Variants in ADGRL3 observed in about 807,000 individuals in gnomAD.
ADGRL3 encodes the protein calcium-independent alpha-latrotoxin receptor 3.
ADGRL3 carries 62 observed loss-of-function variants against 153.5 expected under a neutral mutation model. That is an observed-to-expected ratio of 0.40 (90% CI 0.33 to 0.50). The LOEUF is 0.50. ADGRL3 is among the 20% of genes least tolerant of loss of function. The pLI, the probability that ADGRL3 is intolerant of heterozygous loss-of-function variation, is 0.47. For missense variants in ADGRL3, 1,641 were observed against 1,859.4 expected (o/e 0.88, Z 2.16); for synonymous variants, 710 against 672.5 (o/e 1.06, Z -0.86).
rs553801347 is a variant in ADGRL3, at chr4:61,890,302, T to C, written c.1481-2354T>C. On this transcript the variant is annotated intron_variant, in intron 9 of 26. Coordinates refer to ENST00000683033, the MANE Select transcript of ADGRL3 (RefSeq NM_001387552.1). ...TTTGAATTAAAGGAGTTGGAGAAAATAGTTGGAGTTAGCTTTTAACTATTG... is the reference window on the plus strand; with the variant it reads ...TTTGAATTAAAGGAGTTGGAGAAAACAGTTGGAGTTAGCTTTTAACTATTG... 1.4e-4 allele frequency among the ~76,000 whole-genome samples: 21 copies of C among 152,240 alleles called. No individual in the cohort carries two copies. In the East Asian group the frequency reaches 3.5e-3, roughly 25 times the overall value.
At chr4:61,735,879 A>G (rs977510318) in intron 8 of ADGRL3, among the ~76,000 whole-genome samples, 12 of 152,218 alleles carry the variant, frequency 7.9e-5, no homozygotes, top group African/African-American at 2.6e-4. Flanking sequence ...TCTTTAACGA[A>G]TAAGATGGTA....
chr4:61,740,411 C>A (rs1349882794), intron 8 of ADGRL3, among the ~76,000 whole-genome samples: 1 of 152,114 alleles, frequency 6.6e-6, no homozygotes, highest in Admixed American at 6.6e-5. Context: ...GCATCACTTA[C>A]CTTTAGCTAT....
At chr4:61,615,199 A>G (rs753014945) in intron 5 of ADGRL3, among the ~76,000 whole-genome samples, 4 of 152,136 alleles carry the variant, frequency 2.6e-5, no homozygotes, top group Non-Finnish European at 5.9e-5. Context: ...TAAGAAATCC[A>G]CCATTTTGAG....
intron 4 of ADGRL3, among the ~76,000 whole-genome samples, chr4:61,582,704 G>A (rs1002803595): frequency 2.0e-5 from 3 of 151,566 alleles, no homozygotes; most frequent in Non-Finnish European, 4.4e-5. Context: ...ACAGAGAAAT[G>A]TTTGATTCAT....
At chr4:61,665,642 G>T (rs1012991775) in intron 5 of ADGRL3, among the ~76,000 whole-genome samples, 1 of 152,000 alleles carries the variant, frequency 6.6e-6, no homozygotes, top group Non-Finnish European at 1.5e-5. Flanking sequence ...TTTTTAATAC[G>T]CAAAATGATA....
intron 5 of ADGRL3, among the ~76,000 whole-genome samples, chr4:61,621,579 T>C (rs1390940540): frequency 6.6e-6 from 1 of 152,186 alleles, no homozygotes; most frequent in Non-Finnish European, 1.5e-5. Context: ...ATCCTCTTCA[T>C]TATCTTTTTA....
chr4:61,425,334 C>T (rs1230808620), intron 2 of ADGRL3: 1 of 152,256 alleles, frequency 6.6e-6, no homozygotes, highest in Non-Finnish European at 1.5e-5. Flanking sequence ...CAGGCATCGC[C>T]CATGGGACCC....
chr4:61,318,193 CAAAAAAA>C (rs757545966), intron 1 of ADGRL3, among the ~76,000 whole-genome samples: 1 of 48,608 alleles, frequency 2.1e-5, no homozygotes, highest in South Asian at 8.5e-4. Context: ...GAACCTGTCT[CAAAAAAA>C]AAAAAAAAAA....
At chr4:61,551,004 G>A (rs2098737731) in intron 4 of ADGRL3, among the ~76,000 whole-genome samples, 1 of 152,076 alleles carries the variant, frequency 6.6e-6, no homozygotes, top group Non-Finnish European at 1.5e-5. Flanking sequence ...ATGTGTATGT[G>A]TGTGATTAGG....
chr4:61,809,647 T>C (rs1209097875), intron 8 of ADGRL3, among the ~76,000 whole-genome samples: 4 of 152,094 alleles, frequency 2.6e-5, no homozygotes, highest in Non-Finnish European at 5.9e-5. Context: ...CCTTAGCATC[T>C]TGCACATATG....
intron 25 of ADGRL3, among the ~76,000 whole-genome samples, chr4:62,051,942 T>G (rs1734427905): frequency 6.6e-6 from 1 of 151,856 alleles, no homozygotes; most frequent in South Asian, 2.1e-4. Context: ...AGATTCCAAC[T>G]TAGGAGTTGC....
intron 4 of ADGRL3, among the ~76,000 whole-genome samples, chr4:61,579,942 C>G (rs2098916695): frequency 1.3e-5 from 2 of 151,920 alleles, no homozygotes; most frequent in Admixed American, 1.3e-4. Context: ...GTTTTTGCTG[C>G]CAAGTGTTTT....
At chr4:62,038,145 C>A (rs1726111554) in intron 24 of ADGRL3, among the ~76,000 whole-genome samples, 1 of 152,160 alleles carries the variant, frequency 6.6e-6, no homozygotes, top group East Asian at 1.9e-4. Flanking sequence ...ACCCAAAATT[C>A]TAAGAAAGTA....
intron 8 of ADGRL3, among the ~76,000 whole-genome samples, chr4:61,759,702 C>T (rs2096885792): frequency 6.6e-6 from 1 of 152,156 alleles, no homozygotes; most frequent in Non-Finnish European, 1.5e-5. Context: ...AGCTTTGTTC[C>T]ATTGCTGGTG....
chr4:61,732,156 G>A (rs1384352897), intron 7 of ADGRL3, among the ~76,000 whole-genome samples: 6 of 149,422 alleles, frequency 4.0e-5, no homozygotes, highest in Non-Finnish European at 5.9e-5. Flanking sequence ...TTTCCTTCCA[G>A]TATCCATCCA....
intron 5 of ADGRL3, among the ~76,000 whole-genome samples, chr4:61,600,283 G>A (rs1305741351): frequency 8.9e-6 from 1 of 112,956 alleles, no homozygotes; most frequent in Non-Finnish European, 1.6e-5. Context: ...ACTCCAGCCT[G>A]GGCAGCAGAG....
At position 61,497,197 on chromosome 4, in the gene ADGRL3, A is replaced by G. The variant is rs1287240530; in HGVS notation, c.-97A>G. 8 of 685,608 alleles carry G rather than the reference A, an allele frequency of 1.2e-5. No individual in the cohort carries two copies. Among genetic ancestry groups the G allele is most frequent in the Non-Finnish European group, 2.0e-5 (8 of 407,534 alleles). 42.5% of individuals were successfully genotyped at this position (685,608 alleles called of 1,614,324 possible). ...CTTTTTAATTTGAAGAAAAATCATC[A>G]GTCTTGGAATACAGAAGAGAAACTA... On this transcript the variant is annotated 5_prime_UTR_variant, in exon 3 of 27. Coordinates refer to ENST00000683033, the MANE Select transcript of ADGRL3 (RefSeq NM_001387552.1).
Position 61,529,716 on chromosome 4 carries a change from A to AAGACC in ADGRL3, c.259+12201_259+12205dup, listed in dbSNP as rs1560790258. Among the ~76,000 whole-genome samples, 13 of 152,158 alleles carry AAGACC rather than the reference A, an allele frequency of 8.5e-5. No individual in the cohort carries two copies. The South Asian group carries it at 2.7e-3, about 32-fold the overall frequency. On this transcript the variant is annotated intron_variant, in intron 4 of 26. Coordinates refer to ENST00000683033, the MANE Select transcript of ADGRL3 (RefSeq NM_001387552.1). ...AAGACTTCTATTCATAAGACTATTC[A>AAGACC]AGACCAGTTTTTTTTTTCATTACAA...
intron 2 of ADGRL3, among the ~76,000 whole-genome samples, chr4:61,441,909 T>C (rs1423182298): frequency 6.6e-6 from 1 of 152,196 alleles, no homozygotes; most frequent in Non-Finnish European, 1.5e-5. Context: ...TTATGAATAG[T>C]AGTTTCAAAT....
Sources: allele counts gnomAD v4.1 joint callset (sites outside exome capture counted in the v4.1 genomes callset), GRCh38; gene constraint gnomAD v4.1.1; transcripts MANE v1.5; gene names NCBI Gene and HGNC (gene_info 2026-07-23, HGNC 2026-07-21).